Variants in SARDH observed in about 807,000 individuals in gnomAD.
SARDH encodes the protein sarcosine dehydrogenase, mitochondrial.
In SARDH, 95 loss-of-function variants were observed where a neutral mutation model predicts 109.1. The observed-to-expected ratio is 0.87, with a 90% CI of 0.74 to 1.03. The LOEUF (loss-of-function observed/expected upper bound fraction) is 1.03, where lower values mean the gene tolerates loss of function less well. Among genes scored for constraint, SARDH ranks in the 50% least tolerant of loss-of-function variants. The pLI, the probability that SARDH is intolerant of heterozygous loss-of-function variation, is 0.00. For missense variants in SARDH, 1,267 were observed against 1,287.8 expected, an observed-to-expected ratio of 0.98 and a Z score of 0.25; for synonymous variants, 572 against 534.8, an observed-to-expected ratio of 1.07 and a Z score of -0.96.
In SARDH at chr9:133,729,804, G is replaced by C. The variant is rs780360699; in HGVS notation, c.876C>G (p.His292Gln). 6.2e-7 allele frequency: 1 copy of C among 1,612,856 alleles called. No individual in the cohort carries two copies. Among genetic ancestry groups the C allele is most frequent in the Non-Finnish European group, 8.5e-7 (1 of 1,180,012 alleles). ...AGVKVPLVAM[H>Q]HAYVVTERIE... Reference sequence around the variant, plus strand: ...TGCGCTCGGTGACGACATAGGCATGGTGCATGGCCACCAGCGGGACCTTGA... The same window carrying C: ...TGCGCTCGGTGACGACATAGGCATGCTGCATGGCCACCAGCGGGACCTTGA... The change falls in exon 6 of 21, where the codon CAC becomes CAG. Residue 292 changes from histidine to glutamine, a missense_variant. By Grantham distance (24) the His-to-Gln change is conservative. Transcript: ENST00000439388.
At chr9:133,729,663 G>A (rs1036853066) in intron 6 of SARDH, 102 bp downstream of exon 6, 12 of 930,428 alleles carry the variant, frequency 1.3e-5, no homozygotes, top group Non-Finnish European at 2.0e-5. Context: ...GGGGCAGTGA[G>A]GGGACCCACA....
At chr9:133,698,009 T>TAAAAAAAAAAAAAAAAAAAA (rs371381068) in intron 13 of SARDH, among the ~76,000 whole-genome samples, 1 of 95,706 alleles carries the variant, frequency 1.0e-5, no homozygotes, top group Non-Finnish European at 2.1e-5. Context: ...AGGAATCCAC[T>TAAAAAAAAAAAAAAAAAAAA]AAAAAAAAAA....
At position 133,734,092 on chromosome 9, in the gene SARDH, G is replaced by C; in HGVS notation, c.82C>G (p.Leu28Val). The C allele has an allele frequency of 6.2e-7, 1 of 1,612,900 alleles. No homozygotes were observed. The highest frequency in any genetic ancestry group is 1.1e-5 in the South Asian group (1 of 91,038). ...GCTGTGGGGCCAGCTGCGCTGGACA[G>C]GTTGCATGGCCCCATGCCCCGGGTA... ...SPTRGMGPCN[L>V]SSAAGPTAEK... The change falls in exon 2 of 21, where the codon CTG becomes GTG. Residue 28 changes from leucine to valine, a missense_variant. Leu to Val is a conservative substitution (Grantham distance 32). Transcript: ENST00000439388.
intron 13 of SARDH, among the ~76,000 whole-genome samples, chr9:133,699,968 C>A (rs1322536713): frequency 6.6e-6 from 1 of 152,196 alleles, no homozygotes; most frequent in Non-Finnish European, 1.5e-5. Flanking sequence ...TTCCAATGTC[C>A]ACCAACGGAT....
chr9:133,696,489 C>T (rs1326587230), intron 13 of SARDH, 128 bp from the exon 14 acceptor site: 23 of 1,158,374 alleles, frequency 2.0e-5, no homozygotes, highest in African/African-American at 4.6e-5. Flanking sequence ...TCTTCCAGCC[C>T]GCACCAAGCC....
chr9:133,726,883 G>A (rs187978542), intron 6 of SARDH, among the ~76,000 whole-genome samples: 30 of 152,266 alleles, frequency 2.0e-4, no homozygotes, highest in Admixed American at 1.3e-3. Flanking sequence ...GCTGTATGCC[G>A]GGCACCACTC....
rs997571446 is a variant in SARDH, at chr9:133,666,646, C to T, written c.2631+89G>A. 4.0e-5 allele frequency: 61 copies of T among 1,515,506 alleles called. No homozygotes were observed. Among genetic ancestry groups the T allele is most frequent in the South Asian group, 1.6e-4 (13 of 80,944 alleles). The allele number at this position is 1,515,506 out of a possible 1,614,324, so 93.9% of individuals were successfully genotyped here. On this transcript the variant is annotated intron_variant, in intron 20 of 20. Coordinates refer to ENST00000439388, the MANE Select transcript of SARDH (RefSeq NM_001134707.2). The surrounding 1 kb of genome is among the most constrained non-coding windows in gnomAD (Gnocchi z 5.2). Reference sequence around the variant, plus strand: ...CACACCCGTGCCTCCTCCCTATGCCCGGCACACTCAGGGTGCAGTGCAGGG... The same window carrying T: ...CACACCCGTGCCTCCTCCCTATGCCTGGCACACTCAGGGTGCAGTGCAGGG...
In SARDH at chr9:133,686,335, T is replaced by C. The variant is rs1009036318; in HGVS notation, c.2070-1049A>G. On this transcript the variant is annotated intron_variant, in intron 16 of 20. Coordinates refer to ENST00000439388, the MANE Select transcript of SARDH (RefSeq NM_001134707.2). The surrounding 1 kb of genome is among the most constrained non-coding windows in gnomAD (Gnocchi z 4.0). Reference sequence around the variant, plus strand: ...CCGTGCCCACCTCCAGGCCTAGCCCTCTTGTGCCCCTTCGCATTCTCACCC... The same window carrying C: ...CCGTGCCCACCTCCAGGCCTAGCCCCCTTGTGCCCCTTCGCATTCTCACCC... Among the ~76,000 whole-genome samples, 6 of 151,968 alleles carry C rather than the reference T, an allele frequency of 3.9e-5. No homozygotes were observed. Among genetic ancestry groups the C allele is most frequent in the African/African-American group, 7.3e-5 (3 of 41,350 alleles).
chr9:133,708,175 C>T, intron 11 of SARDH, 112 bp downstream of exon 11: 2 of 1,285,552 alleles, frequency 1.6e-6, no homozygotes, highest in Middle Eastern at 2.2e-4. Flanking sequence ...GACACCTTGT[C>T]ACCGCACCTG....
chr9:133,698,990 G>A (rs1318001207), intron 13 of SARDH, among the ~76,000 whole-genome samples: 3 of 152,166 alleles, frequency 2.0e-5, no homozygotes. Context: ...TGGGGAGAGT[G>A]TGTGCACATT....
chr9:133,684,796 C>T (rs1031064091), intron 17 of SARDH, among the ~76,000 whole-genome samples: 2 of 152,216 alleles, frequency 1.3e-5, no homozygotes, highest in African/African-American at 4.8e-5. Context: ...CGGAGCTCTC[C>T]GGAGCCAGCT....
chr9:133,704,159 C>T lies in SARDH; in HGVS notation c.1554+789G>A, dbSNP rs970157130. The stretch of plus-strand genomic sequence containing the variant: ...ACCTGCAAGGCTCTGACCCCAGAGC[C>T]GTGGCCCCGTTAGCCAGCTCTGGCT... On this transcript the variant is annotated intron_variant, in intron 12 of 20. Transcript: ENST00000439388. The surrounding 1 kb of genome is among the most constrained non-coding windows in gnomAD (Gnocchi z 4.5). Among the ~76,000 whole-genome samples the T allele has an allele frequency of 2.0e-5, 3 of 152,234 alleles. No homozygotes were observed. Among genetic ancestry groups the T allele is most frequent in the Non-Finnish European group, 2.9e-5 (2 of 67,996 alleles).
chr9:133,707,481 G>C (rs1831734054), intron 11 of SARDH, among the ~76,000 whole-genome samples: 1 of 152,160 alleles, frequency 6.6e-6, no homozygotes, highest in Admixed American at 6.5e-5. Context: ...CTCCCCAGGA[G>C]GTACAGCTAA....
intron 14 of SARDH, among the ~76,000 whole-genome samples, chr9:133,695,271 C>T (rs970561947): frequency 2.6e-5 from 4 of 152,040 alleles, no homozygotes; most frequent in Non-Finnish European, 5.9e-5. Flanking sequence ...GGCGAAACCC[C>T]GTCTCTACTA....
rs746480849 is a variant in SARDH at position 133,702,949 on chromosome 9, C to T, written c.1635G>A (p.Glu545=). 6.2e-7 allele frequency: 1 copy of T among 1,612,966 alleles called. No homozygotes were observed. The highest frequency in any genetic ancestry group is 8.5e-7 in the Non-Finnish European group (1 of 1,179,844). The part of the protein sequence containing the change: ...DYAYRRLLAD[E]YTFAFPPHHD... ...GGTGGGGCGGGAAGGCGAAGGTGTA[C>T]TCGTCTGCCAGCAGCCTGCGGTAGG... The change falls in exon 13 of 21, where the codon GAG becomes GAA. Residue 545 remains glutamate, a synonymous_variant. Transcript: ENST00000439388.
intron 19 of SARDH, among the ~76,000 whole-genome samples, chr9:133,669,985 G>A (rs543719914): frequency 5.9e-5 from 9 of 152,162 alleles, no homozygotes; most frequent in East Asian, 3.9e-4. Flanking sequence ...ACCTCCCCAC[G>A]GGCCCTGCTG....
intron 8 of SARDH, among the ~76,000 whole-genome samples, chr9:133,715,980 G>C (rs1832107172): frequency 6.6e-6 from 1 of 152,238 alleles, no homozygotes; most frequent in African/African-American, 2.4e-5. Context: ...AGCGGGGCCA[G>C]AGCTCCCCCT....
chr9:133,698,009 T>TAAAAAAAAAAAAAAAAAA (rs371381068), intron 13 of SARDH, among the ~76,000 whole-genome samples: 1 of 95,706 alleles, frequency 1.0e-5, no homozygotes, highest in Admixed American at 1.2e-4. Flanking sequence ...AGGAATCCAC[T>TAAAAAAAAAAAAAAAAAA]AAAAAAAAAA....
chr9:133,661,344 AAAAAAC>A (rs1050273456), downstream of SARDH, among the ~76,000 whole-genome samples: 12 of 150,908 alleles, frequency 8.0e-5, no homozygotes, highest in Admixed American at 3.3e-4. Context: ...TGTCTCAAAA[AAAAAAC>A]AACAACAACA....
Sources: allele counts gnomAD v4.1 joint callset (sites outside exome capture counted in the v4.1 genomes callset), GRCh38; gene constraint gnomAD v4.1.1; non-coding constraint Gnocchi (gnomAD v3.1); transcripts MANE v1.5; gene names NCBI Gene and HGNC (gene_info 2026-07-23, HGNC 2026-07-21).